Variants in PRKN observed in about 807,000 individuals in gnomAD.
PRKN encodes the protein parkin RBR E3 ubiquitin protein ligase.
A neutral mutation model predicts 59.5 loss-of-function variants in PRKN; 56 were observed. The observed-to-expected ratio is 0.94, with a 90% CI of 0.76 to 1.18. PRKN has a LOEUF of 1.18. PRKN is among the 50% of genes most tolerant of loss of function. The probability of loss-of-function intolerance (pLI) is 0.00; values close to 1 mark genes in which losing one functional copy is unlikely to be tolerated. For synonymous variants in PRKN, 250 were observed against 222.1 expected, an observed-to-expected ratio of 1.13 and a Z score of -1.12; for missense variants, 657 against 596.4, an observed-to-expected ratio of 1.10 and a Z score of -1.06.
In PRKN at chr6:161,680,781, T is replaced by TG. The variant is rs1221192517; in HGVS notation, c.871+104990_871+104991insC. 9.0e-4 allele frequency among the ~76,000 whole-genome samples: 84 copies of TG among 93,782 alleles called. 4 individuals carry two copies. The highest frequency in any genetic ancestry group is 6.9e-3 in the Admixed American group (43 of 6,212). The allele number at this position is 93,782 out of a possible 152,430, so 61.5% of individuals were successfully genotyped here. On this transcript the variant is annotated intron_variant, in intron 7 of 11. Transcript: ENST00000366898. The stretch of plus-strand genomic sequence containing the variant: ...TATATATATATATATATATATTTTT[T>TG]TTTTTTTTTCTTTTCCTAAAACAAC...
intron 9 of PRKN, among the ~76,000 whole-genome samples, chr6:161,477,376 G>C (rs769705339): frequency 5.3e-5 from 8 of 152,010 alleles, no homozygotes; most frequent in Non-Finnish European, 1.2e-4. Flanking sequence ...AATTATCCAG[G>C]CGTGGTGGCA....
rs1042737239 is a variant in PRKN, at chr6:161,593,686, G to A, written c.872-24270C>T. Among the ~76,000 whole-genome samples the A allele has an allele frequency of 2.0e-5, 3 of 152,212 alleles. No individual in the cohort carries two copies. The highest frequency in any genetic ancestry group is 1.9e-4 in the East Asian group (1 of 5,192). On this transcript the variant is annotated intron_variant, in intron 7 of 11. Transcript: ENST00000366898. This position sits in a 1 kb window ranked among gnomAD's most constrained non-coding sequence, Gnocchi z 4.8. ...CAGTGGTGCCTTCTACTGAGAGTAGGAAGACTGGGGAAGAGCGAGAGAGGG... is the reference window on the plus strand; with the variant it reads ...CAGTGGTGCCTTCTACTGAGAGTAGAAAGACTGGGGAAGAGCGAGAGAGGG...
chr6:161,874,785 TAATA>T (rs1379233510), intron 6 of PRKN, among the ~76,000 whole-genome samples: 15 of 26,500 alleles, frequency 5.7e-4, no homozygotes, highest in African/African-American at 1.3e-3. Flanking sequence ...ATAAAATGTA[TAATA>T]AATAAAATGT....
intron 4 of PRKN, among the ~76,000 whole-genome samples, chr6:162,163,545 C>T (rs73592353): frequency 0.025 from 3,728 of 149,128 alleles, 528 homozygotes; most frequent in African/African-American, 0.089. Context: ...TGCTTTCCAG[C>T]GATGAGTGAT....
In PRKN at chr6:161,529,125, T is replaced by G. The variant is rs1474395116; in HGVS notation, c.1083+19729A>C. Among the ~76,000 whole-genome samples the G allele has an allele frequency of 6.6e-6, 1 of 152,184 alleles. No individual in the cohort carries two copies. Among genetic ancestry groups the G allele is most frequent in the Non-Finnish European group, 1.5e-5 (1 of 68,036 alleles). On this transcript the variant is annotated intron_variant, in intron 9 of 11. Coordinates refer to ENST00000366898, the MANE Select transcript of PRKN (RefSeq NM_004562.3). This position sits in a 1 kb window ranked among gnomAD's most constrained non-coding sequence, Gnocchi z 4.4. Reference sequence around the variant, plus strand: ...CGAGCCACAACCACAGACTCTACGCTGCGTTCCTCTCCCTAGTCACCGCAT... The same window carrying G: ...CGAGCCACAACCACAGACTCTACGCGGCGTTCCTCTCCCTAGTCACCGCAT...
At chr6:162,563,499 A>G (rs1021659907) in intron 1 of PRKN, among the ~76,000 whole-genome samples, 2 of 152,152 alleles carry the variant, frequency 1.3e-5, no homozygotes, top group African/African-American at 4.8e-5. Context: ...TTAGATCACA[A>G]TACCCAAGTC....
At chr6:162,190,195 T>C (rs1048517818) in intron 4 of PRKN, among the ~76,000 whole-genome samples, 16 of 152,190 alleles carry the variant, frequency 1.1e-4, no homozygotes, top group Admixed American at 7.9e-4. Flanking sequence ...CAAACCCACT[T>C]GGCTAACTAG....
At chr6:161,844,936 A>G (rs1367858842) in intron 6 of PRKN, among the ~76,000 whole-genome samples, 2 of 152,388 alleles carry the variant, frequency 1.3e-5, no homozygotes, top group Admixed American at 6.5e-5. Flanking sequence ...AATCATGATA[A>G]CAAGAACTAA....
At chr6:162,379,703 G>A (rs1180989143) in intron 2 of PRKN, among the ~76,000 whole-genome samples, 5 of 152,110 alleles carry the variant, frequency 3.3e-5, no homozygotes, top group African/African-American at 4.8e-5. Context: ...TTTCCTTGGC[G>A]TCTCCTGGGG....
intron 6 of PRKN, among the ~76,000 whole-genome samples, chr6:161,944,535 ACTT>A (rs1334191365): frequency 1.3e-5 from 2 of 151,684 alleles, no homozygotes; most frequent in Admixed American, 1.3e-4. Context: ...CTTCCCACCC[ACTT>A]CTGTGCTAAG....
At chr6:162,614,465 T>C (rs1782320728) in intron 1 of PRKN, among the ~76,000 whole-genome samples, 1 of 152,204 alleles carries the variant, frequency 6.6e-6, no homozygotes, top group Non-Finnish European at 1.5e-5. Flanking sequence ...TCAATATATT[T>C]GTGCATCAAA....
In PRKN at chr6:161,442,532, A is replaced by G. The variant is rs192048050; in HGVS notation, c.1084-55655T>C. On this transcript the variant is annotated intron_variant, in intron 9 of 11. Transcript: ENST00000366898. This position sits in a 1 kb window ranked among gnomAD's most constrained non-coding sequence, Gnocchi z 4.6. ...ACCTTCTCCTTAGTGGGCGAGTACA[A>G]GAAGGCACTGAATAGCGTGCCGTTC... is the stretch of plus-strand genomic sequence containing the variant. Among the ~76,000 whole-genome samples, 1 of 152,238 alleles carries G rather than the reference A, an allele frequency of 6.6e-6. No homozygotes were observed. The highest frequency in any genetic ancestry group is 1.5e-5 in the Non-Finnish European group (1 of 68,052).
chr6:161,861,616 C>CAA, intron 6 of PRKN, among the ~76,000 whole-genome samples: 1 of 141,734 alleles, frequency 7.1e-6, no homozygotes, highest in Non-Finnish European at 1.5e-5. Context: ...TATAAACATT[C>CAA]AAAAAAAAAA....
At chr6:161,557,015 T>C (rs1780263269) in intron 8 of PRKN, among the ~76,000 whole-genome samples, 1 of 152,228 alleles carries the variant, frequency 6.6e-6, no homozygotes, top group Non-Finnish European at 1.5e-5. Context: ...TAATTTTGAA[T>C]TTATTGTACA....
intron 6 of PRKN, among the ~76,000 whole-genome samples, chr6:161,812,117 T>G (rs113379474): frequency 6.6e-6 from 1 of 152,060 alleles, no homozygotes; most frequent in Non-Finnish European, 1.5e-5. Context: ...CCAGGCATGG[T>G]AGTTCACACC....
intron 7 of PRKN, among the ~76,000 whole-genome samples, chr6:161,628,823 T>C (rs1046243402): frequency 2.0e-4 from 30 of 152,296 alleles, no homozygotes; most frequent in Non-Finnish European, 4.4e-5. Context: ...AGGCGCGTAA[T>C]AGGCAGGCCC....
chr6:161,418,161 T>C (rs984626568), intron 9 of PRKN, among the ~76,000 whole-genome samples: 2 of 152,208 alleles, frequency 1.3e-5, no homozygotes, highest in African/African-American at 4.8e-5. Context: ...AGTTACAGAA[T>C]GGAGAGATTT....
At position 162,315,184 on chromosome 6, in the gene PRKN, G is replaced by T. The variant is rs557315069; in HGVS notation, c.172-52419C>A. Among the ~76,000 whole-genome samples the T allele has an allele frequency of 2.6e-5, 4 of 152,098 alleles. 1 individual carries two copies. In the South Asian group the frequency reaches 8.3e-4, roughly 32 times the overall value. ...TGTATAATTGTTCTCTGTTGTTATG[G>T]TTTGCATCTTATAGCCATGAACTCT... On this transcript the variant is annotated intron_variant, in intron 2 of 11. Coordinates refer to ENST00000366898, the MANE Select transcript of PRKN (RefSeq NM_004562.3).
chr6:162,137,594 G>A (rs548808255), intron 4 of PRKN, among the ~76,000 whole-genome samples: 38 of 152,198 alleles, frequency 2.5e-4, no homozygotes, highest in African/African-American at 8.0e-4. Context: ...CAGCTCTGGG[G>A]ACTGGGAGGT....
Sources: allele counts gnomAD v4.1 joint callset (sites outside exome capture counted in the v4.1 genomes callset), GRCh38; gene constraint gnomAD v4.1.1; non-coding constraint Gnocchi (gnomAD v3.1); transcripts MANE v1.5; gene names NCBI Gene and HGNC (gene_info 2026-07-23, HGNC 2026-07-21).